ITSN1: variants seen among roughly 807,000 people sequenced by gnomAD.
ITSN1 encodes intersectin 1, also known as intersectin-1.
In ITSN1, 58 loss-of-function variants were observed where a neutral mutation model predicts 239.8. The observed-to-expected ratio is 0.24, with a 90% CI of 0.20 to 0.30. The LOEUF (loss-of-function observed/expected upper bound fraction) is 0.30, where lower values mean the gene tolerates loss of function less well. ITSN1 is among the 10% of genes least tolerant of loss of function. The pLI is 1.00. For missense variants in ITSN1, 1,558 were observed against 2,103.3 expected (o/e 0.74, Z 5.07); for synonymous variants, 780 against 770.8 (o/e 1.01, Z -0.20).
chr21:33,725,753 A>G (rs1462750522), intron 4 of ITSN1, among the ~76,000 whole-genome samples: 1 of 152,190 alleles, frequency 6.6e-6, no homozygotes, highest in Non-Finnish European at 1.5e-5. Context: ...TGCTAAATAA[A>G]TTTGTGATGG....
chr21:33,725,323 A>G (rs1352462172), intron 4 of ITSN1, among the ~76,000 whole-genome samples: 2 of 150,994 alleles, frequency 1.3e-5, no homozygotes, highest in African/African-American at 4.9e-5. Flanking sequence ...TTTAGTAGAG[A>G]TGGGATTTCA....
chr21:33,809,691 A>C (rs908557140), intron 20 of ITSN1, among the ~76,000 whole-genome samples: 4 of 152,200 alleles, frequency 2.6e-5, no homozygotes, highest in African/African-American at 9.7e-5. Context: ...TTTAATTTCC[A>C]GTGAAGTGTT....
intron 1 of ITSN1, among the ~76,000 whole-genome samples, chr21:33,689,631 G>A (rs780046103): frequency 6.6e-6 from 1 of 152,074 alleles, no homozygotes; most frequent in Admixed American, 6.6e-5. Context: ...AGCTATGATC[G>A]CACCACTGTA....
At chr21:33,671,231 A>G (rs2090254874) in intron 1 of ITSN1, among the ~76,000 whole-genome samples, 3 of 152,146 alleles carry the variant, frequency 2.0e-5, no homozygotes, top group Non-Finnish European at 4.4e-5. Context: ...GGAATGGTAC[A>G]TACCTATTAA....
At position 33,772,304 on chromosome 21, in the gene ITSN1, A is replaced by G. The variant is rs1291243061; in HGVS notation, c.1286A>G (p.Lys429Arg). 1 of 1,556,248 alleles carries G rather than the reference A, an allele frequency of 6.4e-7. No individual in the cohort carries two copies. Among genetic ancestry groups the G allele is most frequent in the Non-Finnish European group, 8.7e-7 (1 of 1,149,476 alleles). ...LERQREEERR[K>R]EIERREAAKR... ...CGGCAGAGAGAGGAGGAGAGGAGGA[A>G]AGAAATTGAGAGGCGAGAGGTAAGC... Residue 429 changes from lysine to arginine, a missense_variant, in exon 12 of 40, where the codon AAA becomes AGA. Transcript: ENST00000381318.
At chr21:33,731,490 A>G (rs2066182012) in intron 4 of ITSN1, among the ~76,000 whole-genome samples, 2 of 152,372 alleles carry the variant, frequency 1.3e-5, no homozygotes, top group South Asian at 2.1e-4. Flanking sequence ...AGTTTCCTTT[A>G]TAAAACCTGA....
At chr21:33,776,400 A>C (rs965583261) in intron 14 of ITSN1, among the ~76,000 whole-genome samples, 5 of 151,642 alleles carry the variant, frequency 3.3e-5, no homozygotes, top group African/African-American at 1.2e-4. Context: ...AAAAAAAAAA[A>C]AAAACTTAAA....
rs772796638 is a variant in ITSN1, at chr21:33,886,477, C to T, written c.5017+17C>T. 6.6e-7 allele frequency: 1 copy of T among 1,524,894 alleles called. No homozygotes were observed. Among genetic ancestry groups the T allele is most frequent in the Non-Finnish European group, 8.8e-7 (1 of 1,135,002 alleles). The allele number at this position is 1,524,894 out of a possible 1,614,324, so 94.5% of individuals were successfully genotyped here. ...CACCAGATGGTGAGTGGAACGCGGC[C>T]CTGTGGTTATTCCTCCTTCCCTGGC... On this transcript the variant is annotated intron_variant, in intron 39 of 39. Transcript: ENST00000381318.
At chr21:33,832,537 A>T (rs2074355902) in intron 27 of ITSN1, among the ~76,000 whole-genome samples, 1 of 152,206 alleles carries the variant, frequency 6.6e-6, no homozygotes, top group South Asian at 2.1e-4. Flanking sequence ...CGCTGTCACC[A>T]GAGTGACTCT....
At chr21:33,774,679 T>A in intron 12 of ITSN1, 50 bp from the exon 13 acceptor site, 1 of 1,560,582 alleles carries the variant, frequency 6.4e-7, no homozygotes, top group Non-Finnish European at 8.7e-7. Context: ...AAAGACATTG[T>A]GTAGTGTAAG....
chr21:33,792,290 C>T (rs1263926812), intron 16 of ITSN1, among the ~76,000 whole-genome samples: 6 of 152,074 alleles, frequency 3.9e-5, no homozygotes, highest in East Asian at 1.9e-4. Context: ...CTGCAAGCTC[C>T]GCCTCCTGGG....
intron 1 of ITSN1, among the ~76,000 whole-genome samples, chr21:33,650,660 G>T (rs1333642516): frequency 1.3e-5 from 2 of 152,308 alleles, no homozygotes; most frequent in South Asian, 2.1e-4. Flanking sequence ...AAACTCAGCT[G>T]CCCCAGTCTT....
intron 1 of ITSN1, among the ~76,000 whole-genome samples, chr21:33,660,881 A>G (rs2089496842): frequency 6.6e-6 from 1 of 152,236 alleles, no homozygotes; most frequent in African/African-American, 2.4e-5. Flanking sequence ...TGACCAATAC[A>G]TACAACATCA....
At chr21:33,737,494 G>A (rs2066573906) in intron 5 of ITSN1, among the ~76,000 whole-genome samples, 1 of 152,044 alleles carries the variant, frequency 6.6e-6, no homozygotes, top group Non-Finnish European at 1.5e-5. Context: ...TCAATCTAGG[G>A]TAAAATACAT....
Position 33,818,449 on chromosome 21 carries a change from A to G in ITSN1, c.2910A>G (p.Ser970=). 1 of 1,614,102 alleles carries G rather than the reference A, an allele frequency of 6.2e-7. No individual in the cohort carries two copies. The highest frequency in any genetic ancestry group is 8.5e-7 in the Non-Finnish European group (1 of 1,179,912). ...WFPKSYVKLI[S]GPIRKSTSMD... is the part of the protein sequence containing the mutation. ...CCAAGTCTTACGTGAAACTCATTTC[A>G]GGGCCCATAAGGAAGTCTACAAGGT... The change falls in exon 23 of 40, where the codon TCA becomes TCG. Residue 970 remains serine, a synonymous_variant. Coordinates refer to ENST00000381318, the MANE Select transcript of ITSN1 (RefSeq NM_003024.3).
intron 14 of ITSN1, among the ~76,000 whole-genome samples, chr21:33,780,339 C>G (rs190095474): frequency 6.6e-6 from 1 of 152,156 alleles, no homozygotes; most frequent in East Asian, 1.9e-4. Flanking sequence ...ATAAAACATT[C>G]TTTGAAGAAA....
At chr21:33,826,332 A>G (rs1029321636) in intron 25 of ITSN1, among the ~76,000 whole-genome samples, 2 of 152,206 alleles carry the variant, frequency 1.3e-5, no homozygotes, top group African/African-American at 4.8e-5. Flanking sequence ...TTAGTTTTTT[A>G]AAAAAGAAAG....
At chr21:33,809,302 G>A (rs1036576080) in intron 20 of ITSN1, among the ~76,000 whole-genome samples, 1 of 152,154 alleles carries the variant, frequency 6.6e-6, no homozygotes, top group Non-Finnish European at 1.5e-5. Flanking sequence ...AGAATTCTCA[G>A]CTTTAAAAAT....
intron 11 of ITSN1, among the ~76,000 whole-genome samples, chr21:33,769,199 G>T (rs2068936590): frequency 6.6e-6 from 1 of 152,220 alleles, no homozygotes; most frequent in Admixed American, 6.5e-5. Context: ...ATAAGGACAG[G>T]AATGCTTGGA....
Sources: gnomAD v4.1 joint callset for allele counts (sites outside exome capture counted in the v4.1 genomes callset) on GRCh38, gnomAD v4.1.1 for gene constraint, MANE v1.5 for transcripts, NCBI Gene and HGNC (gene_info 2026-07-23, HGNC 2026-07-21) for gene names.